Variants in ZNF316 observed in about 807,000 individuals in gnomAD.
ZNF316 encodes the protein zinc finger protein 316.
A neutral mutation model predicts 75.6 loss-of-function variants in ZNF316; 23 were observed. The ratio of observed to expected loss-of-function variants is 0.30; its 90% CI spans 0.22 to 0.43. The LOEUF (loss-of-function observed/expected upper bound fraction) is 0.43, where lower values mean the gene tolerates loss of function less well. Among genes scored for constraint, ZNF316 ranks in the 20% least tolerant of loss-of-function variants. ZNF316 has a pLI of 1.00. For missense variants in ZNF316, 1,266 were observed against 1,409.4 expected (o/e 0.90, Z 1.63); for synonymous variants, 827 against 666.2 (o/e 1.24, Z -3.72).
At position 6,653,310 on chromosome 7, in the gene ZNF316, C is replaced by A. The variant is rs1014838784; in HGVS notation, c.1714C>A (p.Pro572Thr). 2 of 1,226,930 alleles carry A rather than the reference C, an allele frequency of 1.6e-6. No homozygotes were observed. Among genetic ancestry groups the A allele is most frequent in the Admixed American group, 4.3e-5 (1 of 23,470 alleles). 76.0% of individuals were successfully genotyped at this position (1,226,930 alleles called of 1,614,324 possible). ...AAPTPSGKVDPAPERRFLELG... is the reference protein window; with the variant it reads ...AAPTPSGKVDTAPERRFLELG... ...GCCCACCCCCAGCGGCAAGGTGGAC[C>A]CCGCGCCGGAACGGCGCTTCCTGGA... Residue 572 changes from proline (P) to threonine (T), a missense_variant, in exon 9 of 9, where the codon CCC becomes ACC. By Grantham distance (38) the Pro-to-Thr change is conservative. Transcript: ENST00000382252.
chr7:6,653,843 C>T lies in ZNF316; in HGVS notation c.2247C>T (p.Cys749=). ...ACACCGGCGAGCGGCCCTTCCCGTG[C>T]CCCGAGTGCGGCGCGCGGTTCGCCC... is the stretch of plus-strand genomic sequence containing the variant. ...RTHTGERPFP[C]PECGARFARG... The change falls in exon 9 of 9, where the codon TGC becomes TGT. Residue 749 remains cysteine, a synonymous_variant. Transcript: ENST00000382252. The T allele has an allele frequency of 9.3e-7, 1 of 1,080,412 alleles. No homozygotes were observed. Among genetic ancestry groups the T allele is most frequent in the Non-Finnish European group, 1.1e-6 (1 of 889,452 alleles). 66.9% of individuals were successfully genotyped at this position (1,080,412 alleles called of 1,614,324 possible).
rs1029883413 is a variant in ZNF316, at chr7:6,657,294, A to G, written c.*2683A>G. On this transcript the variant is annotated 3_prime_UTR_variant, in exon 9 of 9. Transcript: ENST00000382252. ...CAGGTGTGAGTCACCGCGCCCGGCC[A>G]GAGCAACCTAATATTTCAAAAAAAA... is the stretch of plus-strand genomic sequence containing the variant. 7.6e-6 allele frequency among the ~76,000 whole-genome samples: 1 copy of G among 131,808 alleles called. No individual in the cohort carries two copies. Among genetic ancestry groups the G allele is most frequent in the East Asian group, 2.6e-4 (1 of 3,874 alleles). The allele number at this position is 131,808 out of a possible 152,430, so 86.5% of individuals were successfully genotyped here.
chr7:6,653,671 T>G lies in ZNF316; in HGVS notation c.2075T>G (p.Ile692Ser). Residue 692 changes from isoleucine to serine, a missense_variant, in exon 9 of 9, where the codon ATC (isoleucine) becomes AGC (serine). By Grantham distance (142) the Ile-to-Ser change is moderately radical. Transcript: ENST00000382252. ...AALAEEESPW[I>S]CSDCGKTFGR... ...CTGGCGGAGGAGGAGAGCCCGTGGATCTGCTCGGACTGCGGCAAGACGTTT... is the reference window on the plus strand; with the variant it reads ...CTGGCGGAGGAGGAGAGCCCGTGGAGCTGCTCGGACTGCGGCAAGACGTTT... The G allele has an allele frequency of 9.3e-7, 1 of 1,078,102 alleles. No individual in the cohort carries two copies. The highest frequency in any genetic ancestry group is 1.1e-6 in the Non-Finnish European group (1 of 887,996). 66.8% of individuals were successfully genotyped at this position (1,078,102 alleles called of 1,614,324 possible).
intron 6 of ZNF316, 108 bp from the exon 7 acceptor site, chr7:6,643,714 C>T: frequency 9.7e-7 from 1 of 1,035,096 alleles, no homozygotes. Context: ...GCCATCTGGG[C>T]ATCTGTGTCC....
chr7:6,648,717 G>C (rs1029018579), intron 8 of ZNF316, among the ~76,000 whole-genome samples: 1 of 152,204 alleles, frequency 6.6e-6, no homozygotes, highest in Non-Finnish European at 1.5e-5. Flanking sequence ...TGCCTTTTGA[G>C]GTGAAGCCAA....
In ZNF316 at chr7:6,653,380, C is replaced by T. The variant is rs1355159033; in HGVS notation, c.1784C>T (p.Pro595Leu). The T allele has an allele frequency of 4.9e-6, 6 of 1,226,614 alleles. No individual in the cohort carries two copies. The highest frequency in any genetic ancestry group is 8.5e-5 in the Admixed American group (2 of 23,460). The allele number at this position is 1,226,614 out of a possible 1,614,324, so 76.0% of individuals were successfully genotyped here. A position where few individuals can be genotyped will look rare whatever the true frequency, so the allele number is the denominator to read the frequency against. Residue 595 changes from proline to leucine, a missense_variant, in exon 9 of 9, where the codon CCG becomes CTG. Coordinates refer to ENST00000382252, the MANE Select transcript of ZNF316 (RefSeq NM_001278559.2). Reference protein sequence around the residue: ...LGEGEGPSSHPLGFHFPVHPK... With the variant: ...LGEGEGPSSHLLGFHFPVHPK... ...GAGGGCGAAGGCCCCTCCTCCCACC[C>T]GCTGGGCTTCCACTTCCCCGTGCAC...
intron 8 of ZNF316, among the ~76,000 whole-genome samples, chr7:6,645,344 G>T (rs1779381109): frequency 6.6e-6 from 1 of 152,214 alleles, no homozygotes; most frequent in African/African-American, 2.4e-5. Context: ...ATGCCGGTTA[G>T]GAGGGGCAAT....
At position 6,643,903 on chromosome 7, in the gene ZNF316, T is replaced by C; in HGVS notation, c.547T>C (p.Tyr183His). The change falls in exon 7 of 9, where the codon TAC becomes CAC. Residue 183 changes from tyrosine to histidine, a missense_variant. By Grantham distance (83) the Tyr-to-His change is moderately conservative. Transcript: ENST00000382252. ...ERLEADQRGLYQEVMQENYGI... is the reference protein window; with the variant it reads ...ERLEADQRGLHQEVMQENYGI... ...GCTGGAAGCAGACCAGCGGGGCCTCTACCAGGAAGTCATGCAGGAGAACTA... is the reference window on the plus strand; with the variant it reads ...GCTGGAAGCAGACCAGCGGGGCCTCCACCAGGAAGTCATGCAGGAGAACTA... The C allele has an allele frequency of 8.1e-7, 1 of 1,234,368 alleles. No individual in the cohort carries two copies. Among genetic ancestry groups the C allele is most frequent in the Non-Finnish European group, 1.0e-6 (1 of 989,406 alleles). 76.5% of individuals were successfully genotyped at this position (1,234,368 alleles called of 1,614,324 possible). A position where few individuals can be genotyped will look rare whatever the true frequency, so the allele number is the denominator to read the frequency against.
At chr7:6,649,450 ATGAGT>A (rs1422774425) in intron 8 of ZNF316, among the ~76,000 whole-genome samples, 1 of 152,146 alleles carries the variant, frequency 6.6e-6, no homozygotes, top group Non-Finnish European at 1.5e-5. Context: ...CTTGGGTCTG[ATGAGT>A]TGAGCTGTGA....
At chr7:6,651,365 TA>T (rs1779503954) in intron 8 of ZNF316, among the ~76,000 whole-genome samples, 1 of 135,352 alleles carries the variant, frequency 7.4e-6, no homozygotes, top group East Asian at 2.3e-4. Context: ...CAAAACAAAA[TA>T]AAAAAAGGCT....
chr7:6,654,355 GCGGCC>G lies in ZNF316; in HGVS notation c.2760_2764del (p.Cys920TrpfsTer49). 8.2e-7 allele frequency: 1 copy of G among 1,220,524 alleles called. No homozygotes were observed. Among genetic ancestry groups the G allele is most frequent in the Non-Finnish European group, 1.0e-6 (1 of 980,556 alleles). The allele number at this position is 1,220,524 out of a possible 1,614,324, so 75.6% of individuals were successfully genotyped here. ...GAGCGGCCCTACGCCTGCGCCAACTGCGGCCGCCGCTTCTCGCAGAGCTCGCACTT... is the reference window on the plus strand; with the variant it reads ...GAGCGGCCCTACGCCTGCGCCAACTGGCCGCTTCTCGCAGAGCTCGCACTT... On this transcript the variant is annotated frameshift_variant, in exon 9 of 9. Transcript: ENST00000382252. LOFTEE classifies it high-confidence loss of function.
At position 6,637,903 on chromosome 7, in the gene ZNF316, C is replaced by G. The variant is rs1340645685; in HGVS notation, c.-373C>G. The G allele has an allele frequency of 3.3e-5, 5 of 152,356 alleles. No individual in the cohort carries two copies. The highest frequency in any genetic ancestry group is 5.9e-5 in the Non-Finnish European group (4 of 68,116). The allele number at this position is 152,356 out of a possible 1,614,324, so 9.4% of individuals were successfully genotyped here. A position where few individuals can be genotyped will look rare whatever the true frequency, so the allele number is the denominator to read the frequency against. On this transcript the variant is annotated 5_prime_UTR_variant, in exon 2 of 9. Transcript: ENST00000382252. This position sits in a 1 kb window ranked among gnomAD's most constrained non-coding sequence, Gnocchi z 6.2. ...CCTGGGGGGCGGGAGGCGCTCGGCCCGTCGCCCCAGGAGCCCGCTTTGTGA... is the reference window on the plus strand; with the variant it reads ...CCTGGGGGGCGGGAGGCGCTCGGCCGGTCGCCCCAGGAGCCCGCTTTGTGA...
At chr7:6,648,644 G>C (rs1302897418) in intron 8 of ZNF316, among the ~76,000 whole-genome samples, 1 of 152,188 alleles carries the variant, frequency 6.6e-6, no homozygotes, top group Non-Finnish European at 1.5e-5. Flanking sequence ...CTTGCCCAAG[G>C]TCCTATGGCC....
chr7:6,643,205 T>G, intron 6 of ZNF316, 132 bp downstream of exon 6: 1 of 1,201,736 alleles, frequency 8.3e-7, no homozygotes, highest in Non-Finnish European at 1.0e-6. Context: ...GCCCAGGCCC[T>G]GAGCTGGGAG....
At position 6,658,230 on chromosome 7, in the gene ZNF316, G is replaced by C. The variant is rs1179124044; in HGVS notation, c.*3619G>C. On this transcript the variant is annotated 3_prime_UTR_variant, in exon 9 of 9. Coordinates refer to ENST00000382252, the MANE Select transcript of ZNF316 (RefSeq NM_001278559.2). Reference sequence around the variant, plus strand: ...TCTAATTGGCTACATATGGAATAAAGTATTTTGAATTACTGGGTTATATCT... The same window carrying C: ...TCTAATTGGCTACATATGGAATAAACTATTTTGAATTACTGGGTTATATCT... Among the ~76,000 whole-genome samples, 1 of 151,706 alleles carries C rather than the reference G, an allele frequency of 6.6e-6. No homozygotes were observed. The highest frequency in any genetic ancestry group is 2.4e-5 in the African/African-American group (1 of 41,300).
At position 6,657,513 on chromosome 7, in the gene ZNF316, T is replaced by G. The variant is rs1036617302; in HGVS notation, c.*2902T>G. On this transcript the variant is annotated 3_prime_UTR_variant, in exon 9 of 9. Coordinates refer to ENST00000382252, the MANE Select transcript of ZNF316 (RefSeq NM_001278559.2). ...GACCTAGTTAAAAAATGGAGCCCCTTGAGGATCTTACAGTCTATTCAGAAA... is the reference window on the plus strand; with the variant it reads ...GACCTAGTTAAAAAATGGAGCCCCTGGAGGATCTTACAGTCTATTCAGAAA... Among the ~76,000 whole-genome samples the G allele has an allele frequency of 2.0e-5, 3 of 151,886 alleles. No homozygotes were observed. Among genetic ancestry groups the G allele is most frequent in the African/African-American group, 7.3e-5 (3 of 41,320 alleles).
chr7:6,640,746 G>GC lies in ZNF316; in HGVS notation c.-166-1076dup, dbSNP rs1289001908. Among the ~76,000 whole-genome samples the GC allele has an allele frequency of 6.6e-6, 1 of 152,208 alleles. No homozygotes were observed. The highest frequency in any genetic ancestry group is 1.9e-4 in the East Asian group (1 of 5,178). ...AGGTGGGCCTGGTGGGAGGGGATTGGCCCATGGAGGCGGATCCCTCATGAA... is the reference window on the plus strand; with the variant it reads ...AGGTGGGCCTGGTGGGAGGGGATTGGCCCCATGGAGGCGGATCCCTCATGAA... On this transcript the variant is annotated intron_variant, in intron 3 of 8. Transcript: ENST00000382252. The surrounding 1 kb of genome is among the most constrained non-coding windows in gnomAD (Gnocchi z 5.1).
rs1480539315 is a variant in ZNF316 at position 6,654,209 on chromosome 7, C to T, written c.2613C>T (p.Arg871=). The change falls in exon 9 of 9, where the codon CGC becomes CGT. Residue 871 remains arginine, a synonymous_variant. Transcript: ENST00000382252. ...CADCGRGFAQ[R]SNLAKHRRGH... is the part of the protein sequence containing the mutation. ...ACTGCGGCCGCGGCTTCGCGCAGCG[C>T]TCCAACCTGGCCAAGCACCGGCGCG... is the stretch of plus-strand genomic sequence containing the variant. The T allele has an allele frequency of 1.6e-6, 2 of 1,224,238 alleles. No individual in the cohort carries two copies. The highest frequency in any genetic ancestry group is 1.6e-5 in the African/African-American group (1 of 63,892). The allele number at this position is 1,224,238 out of a possible 1,614,324, so 75.8% of individuals were successfully genotyped here. A position where few individuals can be genotyped will look rare whatever the true frequency, so the allele number is the denominator to read the frequency against.
chr7:6,642,847 T>G lies in ZNF316; in HGVS notation c.355+83T>G. ...AGGGACCTGGTCAAGCCAGGAGGGC[T>G]CTTGGGCCGACAGGGTGGAGCTGAA... On this transcript the variant is annotated intron_variant, in intron 5 of 8. Transcript: ENST00000382252. The surrounding 1 kb of genome is among the most constrained non-coding windows in gnomAD (Gnocchi z 8.1). The G allele has an allele frequency of 9.1e-7, 1 of 1,098,550 alleles. No homozygotes were observed. The highest frequency in any genetic ancestry group is 1.1e-6 in the Non-Finnish European group (1 of 870,078). 68.1% of individuals were successfully genotyped at this position (1,098,550 alleles called of 1,614,324 possible).
Sources: gnomAD v4.1 joint callset for allele counts (sites outside exome capture counted in the v4.1 genomes callset) on GRCh38, gnomAD v4.1.1 for gene constraint, Gnocchi (gnomAD v3.1) non-coding constraint, MANE v1.5 for transcripts, NCBI Gene and HGNC (gene_info 2026-07-23, HGNC 2026-07-21) for gene names.